Variants in RUFY3 observed in about 807,000 individuals in gnomAD.
RUFY3 encodes the protein protein RUFY3.
Under a neutral mutation model 84.0 loss-of-function variants are expected in RUFY3, and 34 were observed. The ratio of observed to expected loss-of-function variants is 0.40; its 90% confidence interval spans 0.31 to 0.54. RUFY3 has a LOEUF of 0.54. RUFY3 is among the 20% of genes least tolerant of loss of function. The probability of loss-of-function intolerance (pLI) is 0.39; values close to 1 mark genes in which losing one functional copy is unlikely to be tolerated. For synonymous variants in RUFY3, 242 were observed against 252.9 expected (o/e 0.96, Z 0.41); for missense variants, 507 against 736.8 (o/e 0.69, Z 3.61).
chr4:70,763,647 G>A lies in RUFY3; in HGVS notation c.448G>A (p.Val150Ile). ...AGAAGCCGCAGAGATAACAGCAAGT[G>A]TTAAAGATCTTCCAGGACTTAAGTA... ...VPEAAEITAS[V>I]KDLPGLKTPV... The change falls in exon 3 of 18, where the codon GTT becomes ATT. Residue 150 changes from valine to isoleucine, a missense_variant. Transcript: ENST00000381006. 6.2e-7 allele frequency: 1 copy of A among 1,612,132 alleles called. No individual in the cohort carries two copies. Among genetic ancestry groups the A allele is most frequent in the Non-Finnish European group, 8.5e-7 (1 of 1,178,838 alleles).
chr4:70,779,479 C>G (rs570604448), intron 8 of RUFY3, among the ~76,000 whole-genome samples: 1 of 152,030 alleles, frequency 6.6e-6, no homozygotes, highest in South Asian at 2.1e-4. Flanking sequence ...CTTGCCAAGC[C>G]TTAGCTACAG....
chr4:70,720,128 T>G (rs1008998804), upstream of RUFY3, among the ~76,000 whole-genome samples: 11 of 151,992 alleles, frequency 7.2e-5, no homozygotes, highest in Admixed American at 2.0e-4. Context: ...CTCGGCTCAC[T>G]GCAGCCTCTG....
chr4:70,781,017 G>C (rs1401102023), intron 8 of RUFY3, among the ~76,000 whole-genome samples: 2 of 151,720 alleles, frequency 1.3e-5, no homozygotes, highest in African/African-American at 2.4e-5. Flanking sequence ...GGGACATCAA[G>C]GTGGGTGGAT....
At chr4:70,779,179 T>A (rs961955589) in intron 8 of RUFY3, among the ~76,000 whole-genome samples, 10 of 152,350 alleles carry the variant, frequency 6.6e-5, no homozygotes, top group Admixed American at 4.6e-4. Context: ...GTTTTCTTCC[T>A]GGGACAGTTA....
chr4:70,745,069 T>A (rs902199415), intron 1 of RUFY3, among the ~76,000 whole-genome samples: 1 of 152,112 alleles, frequency 6.6e-6, no homozygotes, highest in East Asian at 1.9e-4. Context: ...CTCAGCCTCC[T>A]GAGTAGCTGG....
In RUFY3 at chr4:70,792,390, C is replaced by CA. The variant is rs1010290180; in HGVS notation, c.1338-1390dup. ...TTATATTCTTTATTATTATTTAGTA[C>CA]AAAAATAGATTCCCAGTAGATATCC... On this transcript the variant is annotated intron_variant, in intron 12 of 17. Coordinates refer to ENST00000381006, the MANE Select transcript of RUFY3 (RefSeq NM_001037442.4). 1.1e-5 allele frequency: 11 copies of CA among 967,260 alleles called. No individual in the cohort carries two copies. The African/African-American group carries it at 1.9e-4, about 17-fold the overall frequency. The allele number at this position is 967,260 out of a possible 1,614,324, so 59.9% of individuals were successfully genotyped here. A position where few individuals can be genotyped will look rare whatever the true frequency, so the allele number is the denominator to read the frequency against.
intron 1 of RUFY3, among the ~76,000 whole-genome samples, chr4:70,725,318 TTTGTC>T (rs1718048330): frequency 1.3e-5 from 2 of 152,134 alleles, no homozygotes; most frequent in African/African-American, 4.8e-5. Flanking sequence ...TTATCTCTCT[TTTGTC>T]TTATATACTC....
rs371482787 is a variant in RUFY3 at position 70,765,758 on chromosome 4, C to CTTT, written c.572+1196_572+1198dup. On this transcript the variant is annotated intron_variant, in intron 4 of 17. Coordinates refer to ENST00000381006, the MANE Select transcript of RUFY3 (RefSeq NM_001037442.4). ...GTGCTATTTTGTCATTTGTTAATAT[C>CTTT]TTTTTTTTTTTTTTTTGAGACAGAG... Among the ~76,000 whole-genome samples the CTTT allele has an allele frequency of 2.1e-3, 299 of 139,896 alleles. 2 individuals carry two copies. Among genetic ancestry groups the CTTT allele is most frequent in the Admixed American group, 4.9e-3 (67 of 13,808 alleles). The allele number at this position is 139,896 out of a possible 152,430, so 91.8% of individuals were successfully genotyped here.
chr4:70,765,209 G>GTATATATATATA (rs59630867), intron 4 of RUFY3, among the ~76,000 whole-genome samples: 7 of 137,210 alleles, frequency 5.1e-5, no homozygotes, highest in African/African-American at 1.6e-4. Flanking sequence ...AAAAAAATGT[G>GTATATATATATA]TATATATATA....
intron 10 of RUFY3, 31 bp from the exon 11 acceptor site, chr4:70,788,775 G>A: frequency 6.2e-7 from 1 of 1,611,254 alleles, no homozygotes; most frequent in Non-Finnish European, 8.5e-7. Flanking sequence ...AAGGAACAGA[G>A]TGTAAGCAAT....
rs770329493 is a variant in RUFY3, at chr4:70,802,920, TC to T, written c.1623-34del. The T allele has an allele frequency of 9.2e-6, 14 of 1,521,900 alleles. 1 individual carries two copies. The East Asian group carries it at 3.2e-4, about 34-fold the overall frequency. The allele number at this position is 1,521,900 out of a possible 1,614,324, so 94.3% of individuals were successfully genotyped here. A position where few individuals can be genotyped will look rare whatever the true frequency, so the allele number is the denominator to read the frequency against. ...TGATATAAATGAAAATACATGAAGT[TC>T]CTATTTGTCACAATTTTTTACTTCT... On this transcript the variant is annotated intron_variant, in intron 15 of 17. Transcript: ENST00000381006.
intron 1 of RUFY3, among the ~76,000 whole-genome samples, chr4:70,758,357 G>A (rs577183292): frequency 5.3e-5 from 8 of 152,320 alleles, no homozygotes; most frequent in Admixed American, 1.3e-4. Context: ...TAGGCCAGGT[G>A]TAGTGGCTTA....
Position 70,722,636 on chromosome 4 carries a change from T to A in RUFY3, c.63T>A (p.Ala21=). 6.2e-7 allele frequency: 1 copy of A among 1,614,068 alleles called. No homozygotes were observed. Among genetic ancestry groups the A allele is most frequent in the Non-Finnish European group, 8.5e-7 (1 of 1,180,004 alleles). Residue 21 remains alanine, a synonymous_variant, in exon 1 of 18, where the codon GCT becomes GCA. Transcript: ENST00000381006. ...PTPTTDKITQ[A]AMETIYLCKF... is the part of the protein sequence containing the mutation. ...CCACCACTGACAAGATCACACAGGC[T>A]GCCATGGAGACCATCTACCTTTGCA...
intron 1 of RUFY3, among the ~76,000 whole-genome samples, chr4:70,729,495 T>G (rs1412329621): frequency 6.6e-6 from 1 of 152,142 alleles, no homozygotes; most frequent in Non-Finnish European, 1.5e-5. Context: ...TGACCTCAAG[T>G]GATCTGCCCA....
At chr4:70,711,874 C>T (rs1741035035) in intron 1 of RUFY3, among the ~76,000 whole-genome samples, 1 of 152,246 alleles carries the variant, frequency 6.6e-6, no homozygotes, top group Non-Finnish European at 1.5e-5. Flanking sequence ...GCTCCCTGAA[C>T]TCTCACAGTT....
intron 4 of RUFY3, among the ~76,000 whole-genome samples, chr4:70,766,549 C>T (rs1052362191): frequency 1.3e-5 from 2 of 152,052 alleles, no homozygotes; most frequent in African/African-American, 4.8e-5. Flanking sequence ...CCGCCTGTTT[C>T]CATTTTTTTA....
upstream of RUFY3, among the ~76,000 whole-genome samples, chr4:70,720,232 A>G (rs1252301288): frequency 3.3e-5 from 5 of 152,040 alleles, no homozygotes; most frequent in Admixed American, 6.6e-5. Context: ...TTGTTTTTGT[A>G]GAGATGGAGT....
chr4:70,718,545 C>T (rs1741898953), upstream of RUFY3, among the ~76,000 whole-genome samples: 1 of 152,070 alleles, frequency 6.6e-6, no homozygotes, highest in Admixed American at 6.6e-5. Flanking sequence ...TGCCATTACT[C>T]ACAAATGGGA....
intron 1 of RUFY3, among the ~76,000 whole-genome samples, chr4:70,730,703 C>T (rs940562143): frequency 6.6e-6 from 1 of 152,048 alleles, no homozygotes; most frequent in Non-Finnish European, 1.5e-5. Context: ...TGCACCACCG[C>T]ACTCACTCCA....
Sources: allele counts gnomAD v4.1 joint callset (sites outside exome capture counted in the v4.1 genomes callset), GRCh38; gene constraint gnomAD v4.1.1; transcripts MANE v1.5; gene names NCBI Gene and HGNC (gene_info 2026-07-23, HGNC 2026-07-21).